Variants in ANK3 observed in about 807,000 individuals in gnomAD.
ANK3 encodes the protein ankyrin-3.
A neutral mutation model predicts 370.9 loss-of-function variants in ANK3; 57 were observed. The ratio of observed to expected loss-of-function variants is 0.15; its 90% confidence interval spans 0.12 to 0.19. ANK3 has a LOEUF of 0.19. Ranked by LOEUF, ANK3 falls within the 10% of genes least tolerant of loss-of-function variation. The pLI is 1.00. For synonymous variants in ANK3, 1,929 were observed against 1,946.3 expected (o/e 0.99, Z 0.23); for missense variants, 4,439 against 5,302.1 (o/e 0.84, Z 5.06).
intron 2 of ANK3, among the ~76,000 whole-genome samples, chr10:60,497,148 T>G (rs943633924): frequency 6.6e-6 from 1 of 151,840 alleles, no homozygotes; most frequent in African/African-American, 2.4e-5. Flanking sequence ...TAAAGAAATT[T>G]AAAAAATCAA....
intron 2 of ANK3, among the ~76,000 whole-genome samples, chr10:60,457,469 C>T (rs1375686647): frequency 6.6e-6 from 1 of 152,042 alleles, no homozygotes; most frequent in African/African-American, 2.4e-5. Flanking sequence ...GAATAGATTG[C>T]TAATATGTTC....
chr10:60,686,737 C>G (rs1433950660), intron 1 of ANK3, among the ~76,000 whole-genome samples: 1 of 152,068 alleles, frequency 6.6e-6, no homozygotes, highest in Non-Finnish European at 1.5e-5. Flanking sequence ...TTCATAGGTC[C>G]ATTTTTGAAC....
intron 1 of ANK3, among the ~76,000 whole-genome samples, chr10:60,350,232 G>A (rs1012158410): frequency 1.3e-5 from 2 of 152,150 alleles, no homozygotes; most frequent in African/African-American, 4.8e-5. Flanking sequence ...ATAAATGTAG[G>A]CTAGCTAATT....
At chr10:60,405,507 A>G (rs1432119346) in intron 2 of ANK3, among the ~76,000 whole-genome samples, 3 of 152,158 alleles carry the variant, frequency 2.0e-5, no homozygotes, top group Non-Finnish European at 2.9e-5. Flanking sequence ...GTGGGAATTG[A>G]CTGGGAAGGG....
intron 1 of ANK3, among the ~76,000 whole-genome samples, chr10:60,680,926 A>G (rs2079186950): frequency 6.6e-6 from 1 of 152,188 alleles, no homozygotes; most frequent in Non-Finnish European, 1.5e-5. Context: ...AGTTAACAAT[A>G]TAGTATCTGT....
chr10:60,233,756 G>A (rs1011810815), intron 8 of ANK3, among the ~76,000 whole-genome samples: 4 of 151,920 alleles, frequency 2.6e-5, no homozygotes, highest in Non-Finnish European at 4.4e-5. Context: ...TTTTAATTGT[G>A]GTAAAATACA....
chr10:60,174,793 G>T (rs2095881464), intron 18 of ANK3, among the ~76,000 whole-genome samples: 1 of 152,112 alleles, frequency 6.6e-6, no homozygotes, highest in Non-Finnish European at 1.5e-5. Flanking sequence ...CTGGGGTGCA[G>T]TGATGGGATC....
chr10:60,685,480 G>A (rs2079255758), intron 1 of ANK3, among the ~76,000 whole-genome samples: 1 of 152,082 alleles, frequency 6.6e-6, no homozygotes, highest in South Asian at 2.1e-4. Flanking sequence ...CTAAGAATGT[G>A]TTTTAAATCA....
At chr10:60,418,106 A>G (rs116608073) in intron 2 of ANK3, among the ~76,000 whole-genome samples, 361 of 152,196 alleles carry the variant, frequency 2.4e-3, no homozygotes, top group African/African-American at 8.1e-3. Context: ...CTGACTCATC[A>G]TTCCTGAGAT....
intron 8 of ANK3, among the ~76,000 whole-genome samples, chr10:60,229,526 T>C (rs2097210541): frequency 6.6e-6 from 1 of 152,196 alleles, no homozygotes; most frequent in Non-Finnish European, 1.5e-5. Flanking sequence ...CAGTTACATT[T>C]CTGGGAAAGC....
At chr10:60,242,869 A>T (rs2097489908) in intron 7 of ANK3, among the ~76,000 whole-genome samples, 1 of 152,140 alleles carries the variant, frequency 6.6e-6, no homozygotes, top group Non-Finnish European at 1.5e-5. Context: ...AATCTGAAAA[A>T]TTTGATTTTT....
chr10:60,053,429 C>A (rs958120110), intron 42 of ANK3, among the ~76,000 whole-genome samples: 4 of 152,164 alleles, frequency 2.6e-5, no homozygotes, highest in Non-Finnish European at 5.9e-5. Flanking sequence ...ACAAAAAAAT[C>A]ATGTGAGGCC....
chr10:60,043,148 T>C, intron 42 of ANK3: 1 of 993,846 alleles, frequency 1.0e-6, no homozygotes, highest in East Asian at 1.1e-4. Context: ...TCCATGGAAA[T>C]GCTGTTGATC....
chr10:60,556,191 C>T (rs1208474449), intron 2 of ANK3, among the ~76,000 whole-genome samples: 1 of 152,162 alleles, frequency 6.6e-6, no homozygotes, highest in African/African-American at 2.4e-5. Flanking sequence ...TTAAGTTAAC[C>T]AATATGCAGA....
chr10:60,693,155 A>G (rs2079382231), intron 1 of ANK3, among the ~76,000 whole-genome samples: 1 of 152,206 alleles, frequency 6.6e-6, no homozygotes, highest in African/African-American at 2.4e-5. Flanking sequence ...CAGCACCTGG[A>G]AAATCGGGTC....
intron 1 of ANK3, among the ~76,000 whole-genome samples, chr10:60,350,708 A>C (rs935225554): frequency 2.6e-5 from 4 of 152,226 alleles, no homozygotes; most frequent in African/African-American, 9.6e-5. Flanking sequence ...GTACAGGCAG[A>C]GGGGAAATAC....
rs533342265 is a variant in ANK3, at chr10:60,337,208, C to T, written c.114+52217G>A. Among the ~76,000 whole-genome samples the T allele has an allele frequency of 5.3e-5, 8 of 152,122 alleles. No homozygotes were observed. In the South Asian group the frequency reaches 1.7e-3, roughly 32 times the overall value. On this transcript the variant is annotated intron_variant, in intron 1 of 43. Transcript: ENST00000280772. Reference sequence around the variant, plus strand: ...ACAATGAACTTTAAAGTCCTTAAGTCCAGATGATCAAGTAAAATAGAAAAT... The same window carrying T: ...ACAATGAACTTTAAAGTCCTTAAGTTCAGATGATCAAGTAAAATAGAAAAT...
intron 2 of ANK3, among the ~76,000 whole-genome samples, chr10:60,606,695 T>C (rs962386854): frequency 3.3e-5 from 5 of 152,146 alleles, no homozygotes; most frequent in African/African-American, 9.7e-5. Context: ...TCAGGGAGCA[T>C]GGAATTCACA....
At chr10:60,355,531 G>C (rs527383995) in intron 1 of ANK3, among the ~76,000 whole-genome samples, 15 of 152,224 alleles carry the variant, frequency 9.9e-5, no homozygotes, top group Non-Finnish European at 2.1e-4. Flanking sequence ...ATCACTTTTA[G>C]TCACTATGAG....
Sources: allele counts gnomAD v4.1 joint callset (sites outside exome capture counted in the v4.1 genomes callset), GRCh38; gene constraint gnomAD v4.1.1; transcripts MANE v1.5; gene names NCBI Gene and HGNC (gene_info 2026-07-23, HGNC 2026-07-21).